Variants in PDZRN4 observed in about 807,000 individuals in gnomAD.
PDZRN4 encodes the protein PDZ domain-containing RING finger protein 4.
A neutral mutation model predicts 99.0 loss-of-function variants in PDZRN4; 70 were observed. The observed-to-expected ratio is 0.71, with a 90% CI of 0.58 to 0.86. PDZRN4 has a LOEUF of 0.86. PDZRN4 is among the 40% of genes least tolerant of loss of function. PDZRN4 has a pLI of 0.00. For synonymous variants in PDZRN4, 551 were observed against 501.6 expected (o/e 1.10, Z -1.32); for missense variants, 1,474 against 1,331.2 (o/e 1.11, Z -1.67).
chr12:41,345,974 T>C (rs10748300), intron 3 of PDZRN4, among the ~76,000 whole-genome samples: 58,414 of 151,792 alleles, frequency 0.38, 11,321 homozygotes, highest in African/African-American at 0.41. Flanking sequence ...TTAAAACTAG[T>C]ATTTTTAGTG....
intron 3 of PDZRN4, among the ~76,000 whole-genome samples, chr12:41,230,391 T>C (rs1250881661): frequency 2.0e-5 from 3 of 152,082 alleles, no homozygotes; most frequent in Non-Finnish European, 2.9e-5. Context: ...TGAATATTCA[T>C]TACTCTGAAG....
intron 3 of PDZRN4, among the ~76,000 whole-genome samples, chr12:41,484,201 G>A (rs1030033387): frequency 1.4e-4 from 21 of 152,130 alleles, no homozygotes; most frequent in African/African-American, 5.1e-4. Context: ...GAGGGACAAG[G>A]TGAAATTGAG....
intron 3 of PDZRN4, among the ~76,000 whole-genome samples, chr12:41,274,532 C>T (rs1228941338): frequency 6.6e-6 from 1 of 152,010 alleles, no homozygotes; most frequent in Non-Finnish European, 1.5e-5. Flanking sequence ...AAATATAGTA[C>T]CATAGATGCT....
intron 3 of PDZRN4, among the ~76,000 whole-genome samples, chr12:41,322,860 G>T (rs1391079717): frequency 6.6e-6 from 1 of 150,608 alleles, no homozygotes; most frequent in Non-Finnish European, 1.5e-5. Flanking sequence ...TCTTTTTCTC[G>T]ATTTCTTTCC....
chr12:41,517,009 G>A (rs1011382636), intron 5 of PDZRN4, among the ~76,000 whole-genome samples: 3 of 151,946 alleles, frequency 2.0e-5, no homozygotes, highest in African/African-American at 4.8e-5. Flanking sequence ...AAAGAAAAAT[G>A]CCACAAAGTT....
chr12:41,295,145 T>A (rs1390675688), intron 3 of PDZRN4, among the ~76,000 whole-genome samples: 1 of 152,076 alleles, frequency 6.6e-6, no homozygotes, highest in African/African-American at 2.4e-5. Context: ...AAGGTCAAAA[T>A]AAAGACAATT....
intron 3 of PDZRN4, among the ~76,000 whole-genome samples, chr12:41,417,985 C>T (rs973731281): frequency 1.2e-4 from 19 of 152,262 alleles, no homozygotes; most frequent in African/African-American, 4.1e-4. Flanking sequence ...AACAAATAAT[C>T]GTCTTTGCCT....
intron 3 of PDZRN4, among the ~76,000 whole-genome samples, chr12:41,465,089 T>C (rs1322406528): frequency 6.6e-6 from 1 of 152,136 alleles, no homozygotes; most frequent in Non-Finnish European, 1.5e-5. Context: ...CCTCCCAAAG[T>C]ATTGGGATTA....
intron 3 of PDZRN4, among the ~76,000 whole-genome samples, chr12:41,466,759 T>C (rs915336865): frequency 6.6e-6 from 1 of 151,766 alleles, no homozygotes; most frequent in Non-Finnish European, 1.5e-5. Flanking sequence ...GTGTTTTTTT[T>C]TTTTTTTTTG....
intron 3 of PDZRN4, among the ~76,000 whole-genome samples, chr12:41,337,689 T>C (rs1951785688): frequency 6.6e-6 from 1 of 152,142 alleles, no homozygotes; most frequent in Non-Finnish European, 1.5e-5. Context: ...GAGCCATTCC[T>C]TTATTCTCAC....
chr12:41,226,496 A>C (rs1384263218), intron 3 of PDZRN4, among the ~76,000 whole-genome samples: 1 of 152,072 alleles, frequency 6.6e-6, no homozygotes, highest in African/African-American at 2.4e-5. Flanking sequence ...TTGAAGGAAT[A>C]AGGAATTATG....
chr12:41,246,974 C>T (rs1230798585), intron 3 of PDZRN4, among the ~76,000 whole-genome samples: 2 of 152,052 alleles, frequency 1.3e-5, no homozygotes, highest in Non-Finnish European at 2.9e-5. Flanking sequence ...TTCAGGCCTT[C>T]AGGAATTTCT....
At chr12:41,189,330 A>G (rs1442040785) in intron 1 of PDZRN4, among the ~76,000 whole-genome samples, 1 of 152,132 alleles carries the variant, frequency 6.6e-6, no homozygotes, top group Non-Finnish European at 1.5e-5. Flanking sequence ...AAAGAGTTAA[A>G]CAGATTCGAT....
At chr12:41,484,887 T>C (rs544477280) in intron 3 of PDZRN4, among the ~76,000 whole-genome samples, 127 of 152,182 alleles carry the variant, frequency 8.3e-4, no homozygotes, top group African/African-American at 2.8e-3. Context: ...TTGCCTACAA[T>C]CCTGACAACA....
At chr12:41,565,154 C>A (rs1269908507) in intron 8 of PDZRN4, among the ~76,000 whole-genome samples, 2 of 152,016 alleles carry the variant, frequency 1.3e-5, no homozygotes, top group East Asian at 1.9e-4. Flanking sequence ...CACTTCTGAC[C>A]TTTTTCTCCA....
At chr12:41,244,714 G>A (rs1481808868) in intron 3 of PDZRN4, among the ~76,000 whole-genome samples, 1 of 132,434 alleles carries the variant, frequency 7.6e-6, no homozygotes, top group Admixed American at 8.6e-5. Flanking sequence ...GTCTCGCTCT[G>A]TCGCCCAGGC....
At chr12:41,542,272 C>T (rs1592104385) in intron 5 of PDZRN4, among the ~76,000 whole-genome samples, 1 of 152,328 alleles carries the variant, frequency 6.6e-6, no homozygotes, top group East Asian at 1.9e-4. Context: ...GCACTATAGA[C>T]ATTACAATAG....
At chr12:41,284,659 T>C (rs1230745442) in intron 3 of PDZRN4, among the ~76,000 whole-genome samples, 4 of 151,952 alleles carry the variant, frequency 2.6e-5, no homozygotes, top group South Asian at 2.1e-4. Flanking sequence ...CCAAAACAGA[T>C]ATATAGACCA....
At chr12:41,517,686 T>A (rs1438757358) in intron 5 of PDZRN4, among the ~76,000 whole-genome samples, 2 of 151,964 alleles carry the variant, frequency 1.3e-5, no homozygotes, top group Non-Finnish European at 2.9e-5. Context: ...GGTCTGCATC[T>A]ATTTCTAGAA....
Sources: gnomAD v4.1 joint callset for allele counts (sites outside exome capture counted in the v4.1 genomes callset) on GRCh38, gnomAD v4.1.1 for gene constraint, MANE v1.5 for transcripts, NCBI Gene and HGNC (gene_info 2026-07-23, HGNC 2026-07-21) for gene names.